The following KCNK10 variants were observed in gnomAD, a reference collection of about 807,000 sequenced individuals.
The protein encoded by KCNK10 is potassium two pore domain channel subfamily K member 10.
In KCNK10, 25 loss-of-function variants were observed where a neutral mutation model predicts 47.7. The ratio of observed to expected loss-of-function variants is 0.52; its 90% CI spans 0.38 to 0.73. The LOEUF (loss-of-function observed/expected upper bound fraction) is 0.73, where lower values mean the gene tolerates loss of function less well. KCNK10 is among the 30% of genes least tolerant of loss of function. The pLI, the probability that KCNK10 is intolerant of heterozygous loss-of-function variation, is 0.00. For synonymous variants in KCNK10, 303 were observed against 285.6 expected (o/e 1.06, Z -0.61); for missense variants, 563 against 714.5 (o/e 0.79, Z 2.42).
chr14:88,272,482 G>A (rs1025322837), intron 1 of KCNK10, among the ~76,000 whole-genome samples: 1 of 151,878 alleles, frequency 6.6e-6, no homozygotes, highest in Non-Finnish European at 1.5e-5. Flanking sequence ...GAACAGCAAT[G>A]GGGGGGCAAC....
In KCNK10 at chr14:88,183,169, G is replaced by A. The variant is rs753985083; in HGVS notation, c.*2366C>T. 21 of 152,370 alleles carry A rather than the reference G, an allele frequency of 1.4e-4. No individual in the cohort carries two copies. The highest frequency in any genetic ancestry group is 3.4e-3 in the Middle Eastern group (1 of 294). 9.4% of individuals were successfully genotyped at this position (152,370 alleles called of 1,614,324 possible). A position where few individuals can be genotyped will look rare whatever the true frequency, so the allele number is the denominator to read the frequency against. On this transcript the variant is annotated 3_prime_UTR_variant, in exon 7 of 7. Transcript: ENST00000319231. Reference sequence around the variant, plus strand: ...ACCACTTTCTTGCTGTGTGCCATTGGATAAATAACATAGCTTCCCTGAGCC... The same window carrying A: ...ACCACTTTCTTGCTGTGTGCCATTGAATAAATAACATAGCTTCCCTGAGCC...
In KCNK10 at chr14:88,185,397, G is replaced by A. The variant is rs960564643; in HGVS notation, c.*138C>T. ...GCAGAGCAAGCTTTCAGTTGTTTAT[G>A]GCACAGTGAAATATATTCTTCAATG... On this transcript the variant is annotated 3_prime_UTR_variant, in exon 7 of 7. Coordinates refer to ENST00000319231, the MANE Select transcript of KCNK10 (RefSeq NM_138317.3). This position sits in a 1 kb window ranked among gnomAD's most constrained non-coding sequence, Gnocchi z 4.3. 4 of 1,231,810 alleles carry A rather than the reference G, an allele frequency of 3.2e-6. No individual in the cohort carries two copies. Among genetic ancestry groups the A allele is most frequent in the Non-Finnish European group, 4.4e-6 (4 of 904,668 alleles). 76.3% of individuals were successfully genotyped at this position (1,231,810 alleles called of 1,614,324 possible).
chr14:88,236,250 G>A (rs1341334719), intron 3 of KCNK10, among the ~76,000 whole-genome samples: 1 of 151,996 alleles, frequency 6.6e-6, no homozygotes, highest in African/African-American at 2.4e-5. Context: ...CCAGGAGTTG[G>A]AGACTGCAGT....
In KCNK10 at chr14:88,311,169, C is replaced by T. The variant is rs113575501; in HGVS notation, c.52+11578G>A. Among the ~76,000 whole-genome samples the T allele has an allele frequency of 2.5e-3, 380 of 152,234 alleles. 1 individual carries two copies. Among genetic ancestry groups the T allele is most frequent in the African/African-American group, 8.8e-3 (367 of 41,540 alleles). ...TATGTAGGATTCCTACAAGAATACA[C>T]AGATACCCCAGGTAAGGCCAGCACT... On this transcript the variant is annotated intron_variant, in intron 1 of 6. Coordinates refer to ENST00000319231, the MANE Select transcript of KCNK10 (RefSeq NM_138317.3).
At chr14:88,303,391 G>A (rs1001425897) in intron 1 of KCNK10, among the ~76,000 whole-genome samples, 9 of 152,160 alleles carry the variant, frequency 5.9e-5, no homozygotes, top group African/African-American at 2.2e-4. Context: ...GCCTCCAAAG[G>A]AGCAGCCCCC....
At chr14:88,196,855 C>T (rs1884929957) in intron 4 of KCNK10, among the ~76,000 whole-genome samples, 1 of 152,150 alleles carries the variant, frequency 6.6e-6, no homozygotes. Flanking sequence ...ATGTTTTCTT[C>T]CAAGATTTAT....
In KCNK10 at chr14:88,185,461, T is replaced by C. The variant is rs1365017763; in HGVS notation, c.*74A>G. ...GACTAAAAAGTCTGTTTAAGGCACA[T>C]GTCTCAGTGTGAATATTAAAAACAC... On this transcript the variant is annotated 3_prime_UTR_variant, in exon 7 of 7. Transcript: ENST00000319231. The surrounding 1 kb of genome is among the most constrained non-coding windows in gnomAD (Gnocchi z 4.3). The C allele has an allele frequency of 5.2e-6, 8 of 1,526,858 alleles. No homozygotes were observed. The highest frequency in any genetic ancestry group is 2.6e-6 in the Non-Finnish European group (3 of 1,138,528). The allele number at this position is 1,526,858 out of a possible 1,614,324, so 94.6% of individuals were successfully genotyped here. A position where few individuals can be genotyped will look rare whatever the true frequency, so the allele number is the denominator to read the frequency against.
upstream of KCNK10, among the ~76,000 whole-genome samples, chr14:88,326,151 T>C (rs1283436717): frequency 3.3e-5 from 5 of 150,898 alleles, no homozygotes; most frequent in African/African-American, 9.8e-5. Context: ...CATTCTCCTT[T>C]CTCAGAATGT....
chr14:88,208,845 C>T (rs900556013), intron 4 of KCNK10, among the ~76,000 whole-genome samples: 2 of 152,012 alleles, frequency 1.3e-5, no homozygotes, highest in Admixed American at 6.6e-5. Flanking sequence ...ACGAGATGCC[C>T]GATACACCCA....
intron 2 of KCNK10, among the ~76,000 whole-genome samples, chr14:88,256,072 C>T (rs1281925782): frequency 2.0e-5 from 3 of 152,156 alleles, no homozygotes; most frequent in East Asian, 3.9e-4. Flanking sequence ...ATTCTAGAGA[C>T]GGATGCATCT....
At chr14:88,292,340 T>A (rs1887897015) in intron 1 of KCNK10, among the ~76,000 whole-genome samples, 1 of 152,144 alleles carries the variant, frequency 6.6e-6, no homozygotes, top group African/African-American at 2.4e-5. Flanking sequence ...TTTGTGATTT[T>A]GTTTTGTTGT....
chr14:88,200,333 G>A (rs1242493509), intron 4 of KCNK10, among the ~76,000 whole-genome samples: 1 of 152,130 alleles, frequency 6.6e-6, no homozygotes, highest in Non-Finnish European at 1.5e-5. Flanking sequence ...AAATCTTTCA[G>A]AAGGATAATT....
At chr14:88,240,016 C>T (rs770877897) in intron 3 of KCNK10, among the ~76,000 whole-genome samples, 5 of 152,042 alleles carry the variant, frequency 3.3e-5, no homozygotes, top group South Asian at 2.1e-4. Context: ...AAGAGGTCAT[C>T]ACTGTTCACT....
chr14:88,185,562 GTTC>G lies in KCNK10; in HGVS notation c.1602_1604del (p.Glu534_Asn535delinsAsp). 1 of 1,613,800 alleles carries G rather than the reference GTTC, an allele frequency of 6.2e-7. No homozygotes were observed. Among genetic ancestry groups the G allele is most frequent in the South Asian group, 1.1e-5 (1 of 91,052 alleles). On this transcript the variant is annotated inframe_deletion, in exon 7 of 7. Coordinates refer to ENST00000319231, the MANE Select transcript of KCNK10 (RefSeq NM_138317.3). This position sits in a 1 kb window ranked among gnomAD's most constrained non-coding sequence, Gnocchi z 4.3. ...AGTTTCTGTCTTCAAGTAATGAGTT[GTTC>G]TCCGGCTCCCGGTCTTTGGTGTCCG...
Position 88,244,304 on chromosome 14 carries a change from G to A in KCNK10, c.403-3484C>T, listed in dbSNP as rs112628784. Among the ~76,000 whole-genome samples the A allele has an allele frequency of 9.6e-3, 1,456 of 152,140 alleles. 27 individuals are homozygous for A. The highest frequency in any genetic ancestry group is 0.033 in the African/African-American group (1,388 of 41,486). ...ACAGTTCTAATTTTTATTAATTTTC[G>A]AAGTATTTTCAAATGATCTTAATTG... On this transcript the variant is annotated intron_variant, in intron 2 of 6. Coordinates refer to ENST00000319231, the MANE Select transcript of KCNK10 (RefSeq NM_138317.3).
chr14:88,217,915 G>T (rs1885675343), intron 4 of KCNK10, among the ~76,000 whole-genome samples: 1 of 152,054 alleles, frequency 6.6e-6, no homozygotes, highest in African/African-American at 2.4e-5. Context: ...TAGGAACAGG[G>T]TTTCATCATG....
intron 1 of KCNK10, chr14:88,271,032 C>T (rs1429886071): frequency 1.1e-5 from 6 of 533,540 alleles, no homozygotes; most frequent in African/African-American, 7.6e-5. Context: ...CCGCTCACAC[C>T]TGTCCCAGAG....
chr14:88,283,326 T>C (rs1443682051), intron 1 of KCNK10, among the ~76,000 whole-genome samples: 1 of 152,240 alleles, frequency 6.6e-6, no homozygotes, highest in African/African-American at 2.4e-5. Context: ...CTTTTTTCTT[T>C]GACTTTTAGT....
chr14:88,254,414 C>T (rs1886888020), intron 2 of KCNK10, among the ~76,000 whole-genome samples: 1 of 152,170 alleles, frequency 6.6e-6, no homozygotes, highest in Admixed American at 6.5e-5. Context: ...TTCAGCGAGG[C>T]TATGACCAGA....
Sources: allele counts gnomAD v4.1 joint callset (sites outside exome capture counted in the v4.1 genomes callset), GRCh38; gene constraint gnomAD v4.1.1; non-coding constraint Gnocchi (gnomAD v3.1); transcripts MANE v1.5; gene names NCBI Gene and HGNC (gene_info 2026-07-23, HGNC 2026-07-21).